Variants in NPY2R observed in about 807,000 individuals in gnomAD.
The protein encoded by NPY2R is neuropeptide Y receptor Y2, also known as neuropeptide Y receptor type 2.
NPY2R carries 17 observed loss-of-function variants against 22.3 expected under a neutral mutation model. The ratio of observed to expected loss-of-function variants is 0.76; its 90% CI spans 0.52 to 1.14. NPY2R has a LOEUF of 1.14. NPY2R is among the 50% of genes most tolerant of loss of function. The probability of loss-of-function intolerance (pLI) is 0.00; values close to 1 mark genes in which losing one functional copy is unlikely to be tolerated. For synonymous variants in NPY2R, 209 were observed against 183.4 expected (o/e 1.14, Z -1.13); for missense variants, 424 against 467.9 (o/e 0.91, Z 0.87).
At chr4:155,200,868 G>C in the NPY2R span, among the ~76,000 whole-genome samples, 6 of 152,034 alleles carry the variant, frequency 3.9e-5, no homozygotes, top group Non-Finnish European at 7.4e-5. Context: ...TTGGGGGTGA[G>C]GGGAGGGAGA....
chr4:155,201,445 A>C, the NPY2R span, among the ~76,000 whole-genome samples: 18 of 152,182 alleles, frequency 1.2e-4, no homozygotes, highest in African/African-American at 4.3e-4. Flanking sequence ...AGGACATGTG[A>C]GTCAAGTTAC....
the NPY2R span, among the ~76,000 whole-genome samples, chr4:155,193,471 G>A: frequency 1.3e-5 from 2 of 151,938 alleles, no homozygotes; most frequent in Non-Finnish European, 2.9e-5. Flanking sequence ...GGGCTCGCCT[G>A]AGAAATGGGA....
the NPY2R span, among the ~76,000 whole-genome samples, chr4:155,174,462 T>TTA: frequency 0.033 from 3,806 of 116,556 alleles, 126 homozygotes; most frequent in Non-Finnish European, 0.041. Flanking sequence ...TGGCTAAGCT[T>TTA]TATATATATA....
chr4:155,197,977 C>G, the NPY2R span, among the ~76,000 whole-genome samples: 1 of 152,056 alleles, frequency 6.6e-6, no homozygotes, highest in Non-Finnish European at 1.5e-5. Flanking sequence ...CTCTTCCTCT[C>G]TGACTTTCCA....
the NPY2R span, among the ~76,000 whole-genome samples, chr4:155,174,484 A>ATTTTTTTTTT: frequency 1.9e-5 from 2 of 106,048 alleles, no homozygotes; most frequent in African/African-American, 9.0e-5. Context: ...ATATATATAT[A>ATTTTTTTTTT]TTTTTTTTTT....
chr4:155,188,980 C>G, the NPY2R span, among the ~76,000 whole-genome samples: 1 of 152,098 alleles, frequency 6.6e-6, no homozygotes, highest in Non-Finnish European at 1.5e-5. Flanking sequence ...TTAAAAAATA[C>G]AGGTTCTCAG....
chr4:155,205,979 G>T (rs183818020), upstream of NPY2R, among the ~76,000 whole-genome samples: 1 of 152,212 alleles, frequency 6.6e-6, no homozygotes, highest in African/African-American at 2.4e-5. Flanking sequence ...AATCGTATCT[G>T]ACAATACTGA....
the NPY2R span, among the ~76,000 whole-genome samples, chr4:155,203,071 T>C: frequency 0.24 from 36,140 of 152,018 alleles, 4,645 homozygotes; most frequent in East Asian, 0.42. Flanking sequence ...ATTTGGATGA[T>C]TGCTAAAAAG....
chr4:155,198,665 A>T, the NPY2R span, among the ~76,000 whole-genome samples: 1 of 124,382 alleles, frequency 8.0e-6, no homozygotes, highest in Non-Finnish European at 1.8e-5. Context: ...TCAGTGTCAG[A>T]TGCCCTTGTC....
the NPY2R span, among the ~76,000 whole-genome samples, chr4:155,175,104 A>G: frequency 6.6e-6 from 1 of 152,144 alleles, no homozygotes; most frequent in Non-Finnish European, 1.5e-5. Context: ...TTAGTTTGAG[A>G]GAGTCTTGCA....
the NPY2R span, among the ~76,000 whole-genome samples, chr4:155,185,778 G>A: frequency 2.2e-5 from 1 of 44,540 alleles, no homozygotes; most frequent in East Asian, 2.0e-3. Context: ...GTGCCTGGTG[G>A]GTGAATAATA....
chr4:155,174,296 G>A, the NPY2R span: 2 of 151,472 alleles, frequency 1.3e-5, no homozygotes, highest in African/African-American at 4.9e-5. Context: ...TACTGTTATA[G>A]GTATCTAAAT....
chr4:155,197,182 A>C, the NPY2R span, among the ~76,000 whole-genome samples: 1 of 151,994 alleles, frequency 6.6e-6, no homozygotes, highest in Admixed American at 6.6e-5. Context: ...TATAATTTAC[A>C]TCCAACTTCA....
chr4:155,193,496 G>A, the NPY2R span, among the ~76,000 whole-genome samples: 2 of 151,890 alleles, frequency 1.3e-5, no homozygotes, highest in Non-Finnish European at 1.5e-5. Context: ...AGGAGAAATG[G>A]AAAGATTTGT....
chr4:155,202,633 A>G, the NPY2R span, among the ~76,000 whole-genome samples: 1 of 152,144 alleles, frequency 6.6e-6, no homozygotes, highest in Admixed American at 6.6e-5. Flanking sequence ...TGAATAAAAC[A>G]TTTCACCATC....
chr4:155,190,992 T>C, the NPY2R span, among the ~76,000 whole-genome samples: 1 of 151,964 alleles, frequency 6.6e-6, no homozygotes. Context: ...AAAATAGCTA[T>C]TGTTTCTTAA....
the NPY2R span, among the ~76,000 whole-genome samples, chr4:155,201,793 A>G: frequency 1.3e-5 from 2 of 152,200 alleles, no homozygotes; most frequent in East Asian, 3.9e-4. Context: ...TTCCCAGCAG[A>G]GATGCAAATA....
At chr4:155,178,541 A>G in the NPY2R span, among the ~76,000 whole-genome samples, 1 of 152,190 alleles carries the variant, frequency 6.6e-6, no homozygotes, top group Non-Finnish European at 1.5e-5. Flanking sequence ...AGTCTTCTAT[A>G]ACATTTTGGT....
intron 1 of NPY2R, among the ~76,000 whole-genome samples, chr4:155,210,800 G>A (rs1175137787): frequency 1.3e-5 from 2 of 152,140 alleles, no homozygotes; most frequent in Non-Finnish European, 2.9e-5. Flanking sequence ...GGAAGGGTGA[G>A]TGGTGAGAGA....
Sources: gnomAD v4.1 joint callset for allele counts (sites outside exome capture counted in the v4.1 genomes callset) on GRCh38, gnomAD v4.1.1 for gene constraint, MANE v1.5 for transcripts, NCBI Gene and HGNC (gene_info 2026-07-23, HGNC 2026-07-21) for gene names.